The following GARIN1B variants were observed in gnomAD, a reference collection of about 807,000 sequenced individuals.
GARIN1B encodes the protein Golgi-associated RAB2 interactor protein 1B.
At chr7:128,720,857 G>A in the GARIN1B span, among the ~76,000 whole-genome samples, 7 of 152,100 alleles carry the variant, frequency 4.6e-5, no homozygotes, top group South Asian at 1.4e-3. Flanking sequence ...ACAATGTCTT[G>A]GTTAATGTAG....
chr7:128,729,008 A>G, the GARIN1B span, among the ~76,000 whole-genome samples: 1 of 152,240 alleles, frequency 6.6e-6, no homozygotes, highest in African/African-American at 2.4e-5. Context: ...AACAGATGTG[A>G]GGAATATTTC....
the GARIN1B span, chr7:128,715,736 C>A: frequency 6.6e-7 from 1 of 1,507,196 alleles, no homozygotes; most frequent in Non-Finnish European, 9.2e-7. Context: ...TCTTCGAAAC[C>A]TGTTCCCAAG....
chr7:128,719,588 T>C, the GARIN1B span, among the ~76,000 whole-genome samples: 2 of 152,162 alleles, frequency 1.3e-5, no homozygotes, highest in Non-Finnish European at 2.9e-5. Flanking sequence ...CTTTTGTGTC[T>C]GGCTTCTTTC....
At chr7:128,713,984 G>T in the GARIN1B span, 1 of 1,527,232 alleles carries the variant, frequency 6.5e-7, no homozygotes, top group South Asian at 1.2e-5. Flanking sequence ...TAGAGAATGT[G>T]ACCATGAAGA....
At chr7:128,729,301 C>T in the GARIN1B span, among the ~76,000 whole-genome samples, 1 of 152,208 alleles carries the variant, frequency 6.6e-6, no homozygotes, top group Non-Finnish European at 1.5e-5. Flanking sequence ...TCTTTCCACT[C>T]ACCACCAGCA....
chr7:128,709,750 C>CTGTCTTTTTTT, the GARIN1B span, among the ~76,000 whole-genome samples: 4 of 114,618 alleles, frequency 3.5e-5, 1 homozygote, highest in Non-Finnish European at 1.8e-5. Context: ...CTCTCTCTCT[C>CTGTCTTTTTTT]TTTTTTTTTT....
At chr7:128,723,452 C>T in the GARIN1B span, 3 of 1,105,234 alleles carry the variant, frequency 2.7e-6, no homozygotes, top group East Asian at 8.0e-5. Context: ...GTGGCTCACG[C>T]CTGTATTCCC....
At chr7:128,719,075 G>T in the GARIN1B span, 1 of 1,613,558 alleles carries the variant, frequency 6.2e-7, no homozygotes, top group South Asian at 1.1e-5. Flanking sequence ...CCCCTCAGGA[G>T]ATTCGAAGGT....
chr7:128,718,894 G>C, the GARIN1B span: 1 of 1,614,226 alleles, frequency 6.2e-7, no homozygotes, highest in Non-Finnish European at 8.5e-7. Context: ...TCCTGCAGTT[G>C]AGGACAGTCA....
chr7:128,717,307 G>A, the GARIN1B span, among the ~76,000 whole-genome samples: 1 of 152,190 alleles, frequency 6.6e-6, no homozygotes, highest in Non-Finnish European at 1.5e-5. Flanking sequence ...GAGGCAGTGA[G>A]TCTGGCAGAT....
chr7:128,712,071 T>G, the GARIN1B span, among the ~76,000 whole-genome samples: 1 of 152,050 alleles, frequency 6.6e-6, no homozygotes, highest in Non-Finnish European at 1.5e-5. Context: ...AAAAAAACCT[T>G]GCTGTATTTT....
the GARIN1B span, among the ~76,000 whole-genome samples, chr7:128,723,765 G>A: frequency 6.6e-6 from 1 of 151,648 alleles, no homozygotes; most frequent in Non-Finnish European, 1.5e-5. Context: ...GCCCGCCTCG[G>A]CCTCCCAAAG....
At chr7:128,731,351 C>A in the GARIN1B span, 1 of 583,698 alleles carries the variant, frequency 1.7e-6, no homozygotes, top group Non-Finnish European at 3.1e-6. Context: ...AAGATGTGCT[C>A]TCAGAATGGC....
the GARIN1B span, chr7:128,715,328 A>G: frequency 6.6e-7 from 1 of 1,513,196 alleles, no homozygotes; most frequent in South Asian, 1.3e-5. Context: ...GATGTCATCC[A>G]TTCATCATTG....
chr7:128,725,468 T>C, the GARIN1B span, among the ~76,000 whole-genome samples: 2 of 151,976 alleles, frequency 1.3e-5, no homozygotes, highest in Non-Finnish European at 2.9e-5. Context: ...GCCTCTCGGG[T>C]TCAAGCGATT....
chr7:128,729,388 A>G, the GARIN1B span, among the ~76,000 whole-genome samples: 1 of 152,216 alleles, frequency 6.6e-6, no homozygotes, highest in East Asian at 1.9e-4. Flanking sequence ...GTTAAAAGGC[A>G]GATTCTAATT....
the GARIN1B span, among the ~76,000 whole-genome samples, chr7:128,725,475 G>A: frequency 2.6e-5 from 4 of 152,036 alleles, no homozygotes; most frequent in African/African-American, 4.8e-5. Context: ...GGGTTCAAGC[G>A]ATTCTAATGC....
chr7:128,719,025 T>C, the GARIN1B span: 1 of 1,614,096 alleles, frequency 6.2e-7, no homozygotes, highest in Non-Finnish European at 8.5e-7. Context: ...GACCCTAGGA[T>C]TCTTGTCACG....
chr7:128,731,362 C>A, the GARIN1B span: 1 of 557,662 alleles, frequency 1.8e-6, no homozygotes, highest in South Asian at 2.4e-5. Context: ...TCAGAATGGC[C>A]GGGCCCAAGA....
Sources: gnomAD v4.1 joint callset for allele counts (sites outside exome capture counted in the v4.1 genomes callset) on GRCh38, gnomAD v4.1.1 for gene constraint, MANE v1.5 for transcripts, NCBI Gene and HGNC (gene_info 2026-07-23, HGNC 2026-07-21) for gene names.